The following PC variants were observed in gnomAD, a reference collection of about 807,000 sequenced individuals.
The protein encoded by PC is pyruvate carboxylase, mitochondrial.
A neutral mutation model predicts 107.8 loss-of-function variants in PC; 46 were observed. The observed-to-expected ratio is 0.43, with a 90% CI of 0.34 to 0.55. PC has a LOEUF of 0.55. Ranked by LOEUF, PC falls within the 20% of genes least tolerant of loss-of-function variation. The pLI, the probability that PC is intolerant of heterozygous loss-of-function variation, is 0.04. For synonymous variants in PC, 662 were observed against 684.7 expected, an observed-to-expected ratio of 0.97 and a Z score of 0.52; for missense variants, 1,241 against 1,643.1, an observed-to-expected ratio of 0.76 and a Z score of 4.23.
At chr11:66,856,105 G>A (rs1476563415) in intron 12 of PC, among the ~76,000 whole-genome samples, 1 of 152,250 alleles carries the variant, frequency 6.6e-6, no homozygotes, top group Non-Finnish European at 1.5e-5. Context: ...AGCCACCGAA[G>A]CCCCAGCTTT....
At chr11:66,880,988 G>A (rs1161617015) in intron 3 of PC, among the ~76,000 whole-genome samples, 1 of 152,210 alleles carries the variant, frequency 6.6e-6, no homozygotes, top group Non-Finnish European at 1.5e-5. Context: ...TAGAGCCCCA[G>A]GTGTGAAGGG....
intron 3 of PC, among the ~76,000 whole-genome samples, chr11:66,896,540 A>C (rs1947766636): frequency 6.6e-6 from 1 of 152,266 alleles, no homozygotes; most frequent in Non-Finnish European, 1.5e-5. Flanking sequence ...GGAGAAAGAC[A>C]GAGGAAATCC....
chr11:66,889,441 G>A (rs902444311), intron 3 of PC, among the ~76,000 whole-genome samples: 73 of 151,986 alleles, frequency 4.8e-4, no homozygotes, highest in Non-Finnish European at 9.3e-4. Context: ...CATGATCTCG[G>A]CTCACTGCAA....
intron 3 of PC, among the ~76,000 whole-genome samples, chr11:66,898,324 T>A (rs1268539058): frequency 6.6e-6 from 1 of 152,086 alleles, no homozygotes. Flanking sequence ...AGGGCCAGGG[T>A]TTTGTTTTTT....
At chr11:66,953,629 G>C (rs770192855) in intron 2 of PC, among the ~76,000 whole-genome samples, 2 of 152,318 alleles carry the variant, frequency 1.3e-5, no homozygotes, top group Admixed American at 6.5e-5. Flanking sequence ...ATAACGTCAA[G>C]GCTGAAATTC....
At chr11:66,873,450 TATAA>T (rs1946832450) in intron 3 of PC, among the ~76,000 whole-genome samples, 1 of 85,060 alleles carries the variant, frequency 1.2e-5, no homozygotes, top group Non-Finnish European at 2.1e-5. Flanking sequence ...TTATATTATA[TATAA>T]AATATATATT....
chr11:66,855,330 T>C (rs1338626018), intron 12 of PC, among the ~76,000 whole-genome samples: 4 of 151,688 alleles, frequency 2.6e-5, no homozygotes, highest in African/African-American at 9.7e-5. Context: ...GAATGAAAAC[T>C]TTTTTTTTGA....
chr11:66,877,043 G>A (rs1428225238), intron 3 of PC, among the ~76,000 whole-genome samples: 1 of 152,174 alleles, frequency 6.6e-6, no homozygotes, highest in East Asian at 1.9e-4. Flanking sequence ...TGAGCATCAC[G>A]GCAGCTTCTC....
In PC at chr11:66,852,061, T is replaced by C. The variant is rs1945531341; in HGVS notation, c.1826-115A>G. On this transcript the variant is annotated intron_variant, in intron 15 of 22. Transcript: ENST00000393960. The surrounding 1 kb of genome is among the most constrained non-coding windows in gnomAD (Gnocchi z 4.7). The stretch of plus-strand genomic sequence containing the variant: ...GCCCCAATACCAGGTCCTGCTCATC[T>C]TCGCCATACCTGTGTTCCCTGCTCC... 15 of 1,085,106 alleles carry C rather than the reference T, an allele frequency of 1.4e-5. No individual in the cohort carries two copies. In the Admixed American group the frequency reaches 3.0e-4, roughly 22 times the overall value. The allele number at this position is 1,085,106 out of a possible 1,614,324, so 67.2% of individuals were successfully genotyped here. A position where few individuals can be genotyped will look rare whatever the true frequency, so the allele number is the denominator to read the frequency against.
rs546519818 is a variant in PC at position 66,858,689 on chromosome 11, C to G, written c.1368+5085G>C. The G allele has an allele frequency of 9.8e-5, 151 of 1,547,186 alleles. No homozygotes were observed. The South Asian group carries it at 1.4e-3, about 15-fold the overall frequency. ...ACCCCGCGCCTACCATGCACTGGGTCGGTCCTGACGACCGGTTGGTTGGCA... is the reference window on the plus strand; with the variant it reads ...ACCCCGCGCCTACCATGCACTGGGTGGGTCCTGACGACCGGTTGGTTGGCA... On this transcript the variant is annotated intron_variant, in intron 12 of 22. Coordinates refer to ENST00000393960, the MANE Select transcript of PC (RefSeq NM_001040716.2). The surrounding 1 kb of genome is among the most constrained non-coding windows in gnomAD (Gnocchi z 5.9).
chr11:66,946,576 A>T (rs1949299065), intron 3 of PC, among the ~76,000 whole-genome samples: 1 of 152,038 alleles, frequency 6.6e-6, no homozygotes, highest in South Asian at 2.1e-4. Flanking sequence ...GGCCAAGATC[A>T]TGAAACCGCA....
Position 66,858,848 on chromosome 11 carries a change from G to T in PC, c.1368+4926C>A. ...CCACAGCCCGAGTAGAACTGCGGGT[G>T]CTGGCCTTGCCCCATGGTGGGAACA... On this transcript the variant is annotated intron_variant, in intron 12 of 22. Transcript: ENST00000393960. The surrounding 1 kb of genome is among the most constrained non-coding windows in gnomAD (Gnocchi z 5.9). The T allele has an allele frequency of 6.4e-7, 1 of 1,551,918 alleles. No homozygotes were observed. The highest frequency in any genetic ancestry group is 1.2e-5 in the South Asian group (1 of 85,694).
chr11:66,933,902 A>C (rs1948926782), intron 3 of PC, among the ~76,000 whole-genome samples: 1 of 152,148 alleles, frequency 6.6e-6, no homozygotes, highest in Non-Finnish European at 1.5e-5. Context: ...CCCAACACGC[A>C]GCTGGGGTTC....
intron 2 of PC, among the ~76,000 whole-genome samples, chr11:66,952,713 G>T (rs4930399): frequency 1 from 151,923 of 152,312 alleles, 75,768 homozygotes; most frequent in Middle Eastern, 1. Context: ...CAGCTAATTT[G>T]GTATTTTTAG....
chr11:66,949,910 TC>T (rs1387595367), intron 3 of PC, among the ~76,000 whole-genome samples: 2 of 152,070 alleles, frequency 1.3e-5, no homozygotes, highest in African/African-American at 2.4e-5. Context: ...GGGTGTGGCA[TC>T]CAAACCTCCC....
intron 12 of PC, among the ~76,000 whole-genome samples, chr11:66,863,022 G>A (rs926076887): frequency 1.3e-5 from 2 of 152,182 alleles, no homozygotes; most frequent in African/African-American, 4.8e-5. Flanking sequence ...CTGGTGGGGG[G>A]GGATCCACAT....
Position 66,858,654 on chromosome 11 carries a change from G to T in PC, c.1368+5120C>A. On this transcript the variant is annotated intron_variant, in intron 12 of 22. Transcript: ENST00000393960. The surrounding 1 kb of genome is among the most constrained non-coding windows in gnomAD (Gnocchi z 5.9). The stretch of plus-strand genomic sequence containing the variant: ...CCAGCGGGCCACGCTGCGGTGCCGG[G>T]CCCTGGGTGACCCCGCGCCTACCAT... 1 of 1,542,240 alleles carries T rather than the reference G, an allele frequency of 6.5e-7. No homozygotes were observed.
At chr11:66,930,803 CAA>C (rs1481301015) in intron 3 of PC, among the ~76,000 whole-genome samples, 2 of 117,398 alleles carry the variant, frequency 1.7e-5, no homozygotes, top group African/African-American at 6.4e-5. Context: ...GGAAAAAAAA[CAA>C]AAGGCAGACC....
chr11:66,883,930 TTAAAAAAAAAAC>T (rs1309148023), intron 3 of PC, among the ~76,000 whole-genome samples: 2 of 151,006 alleles, frequency 1.3e-5, no homozygotes, highest in South Asian at 4.2e-4. Context: ...TGCCAAAAAA[TTAAAAAAAAAAC>T]TTTTTAAAAT....
Sources: gnomAD v4.1 joint callset for allele counts (sites outside exome capture counted in the v4.1 genomes callset) on GRCh38, gnomAD v4.1.1 for gene constraint, Gnocchi (gnomAD v3.1) non-coding constraint, MANE v1.5 for transcripts, NCBI Gene and HGNC (gene_info 2026-07-23, HGNC 2026-07-21) for gene names.